Variants in IPO11 observed in about 807,000 individuals in gnomAD.
IPO11 encodes the protein importin-11.
Under a neutral mutation model 143.2 loss-of-function variants are expected in IPO11, and 66 were observed. That is an observed-to-expected ratio of 0.46 (90% confidence interval 0.38 to 0.57). The LOEUF (loss-of-function observed/expected upper bound fraction) is 0.57. Among genes scored for constraint, IPO11 ranks in the 20% least tolerant of loss-of-function variants. The pLI is 0.00. For synonymous variants in IPO11, 385 were observed against 377.8 expected, an observed-to-expected ratio of 1.02 and a Z score of -0.22; for missense variants, 1,026 against 1,141.0, an observed-to-expected ratio of 0.90 and a Z score of 1.45.
intron 2 of IPO11, among the ~76,000 whole-genome samples, chr5:62,439,036 G>A (rs191054276): frequency 8.7e-4 from 128 of 147,836 alleles, no homozygotes; most frequent in African/African-American, 3.1e-3. Context: ...TCCAACCTGG[G>A]CGACAGAGTA....
chr5:62,418,219 G>T (rs763607945), intron 1 of IPO11, among the ~76,000 whole-genome samples: 14 of 151,342 alleles, frequency 9.3e-5, no homozygotes, highest in Non-Finnish European at 1.9e-4. Context: ...AAGCTGGAGT[G>T]CAGTGGCACC....
chr5:62,605,129 G>C (rs1009651726), intron 29 of IPO11, among the ~76,000 whole-genome samples: 4 of 152,090 alleles, frequency 2.6e-5, no homozygotes, highest in African/African-American at 9.7e-5. Flanking sequence ...TTATTTGCTA[G>C]GAAGAAAAAT....
chr5:62,425,346 T>C (rs1039881546), intron 1 of IPO11, among the ~76,000 whole-genome samples: 4 of 152,298 alleles, frequency 2.6e-5, no homozygotes, highest in South Asian at 2.1e-4. Flanking sequence ...AGACGGAGTT[T>C]TGCTGTTGTT....
At chr5:62,464,114 G>A (rs1045971756) in intron 5 of IPO11, among the ~76,000 whole-genome samples, 7 of 148,528 alleles carry the variant, frequency 4.7e-5, no homozygotes, top group African/African-American at 1.2e-4. Context: ...GTGAGCCACC[G>A]CATCTGGTCT....
intron 1 of IPO11, among the ~76,000 whole-genome samples, chr5:62,417,329 T>TTA (rs1297062755): frequency 6.9e-6 from 1 of 145,246 alleles, no homozygotes; most frequent in East Asian, 2.0e-4. Context: ...TAATTTTTTT[T>TTA]TTTTTTTTTT....
rs193139689 is a variant in IPO11, at chr5:62,617,893, C to T, written c.2764-9261C>T. Among the ~76,000 whole-genome samples, 422 of 152,244 alleles carry T rather than the reference C, an allele frequency of 2.8e-3. 2 individuals carry two copies. Among genetic ancestry groups the T allele is most frequent in the Non-Finnish European group, 4.4e-3 (302 of 67,998 alleles). On this transcript the variant is annotated intron_variant, in intron 29 of 29. Transcript: ENST00000325324. Reference sequence around the variant, plus strand: ...TTTTTGTGATAGTAAGTCTTCCCCACAGCCTTCTGTATAAACTGATGCTAA... The same window carrying T: ...TTTTTGTGATAGTAAGTCTTCCCCATAGCCTTCTGTATAAACTGATGCTAA...
intron 19 of IPO11, among the ~76,000 whole-genome samples, chr5:62,506,941 G>A (rs1450857772): frequency 6.6e-6 from 1 of 152,122 alleles, no homozygotes; most frequent in Non-Finnish European, 1.5e-5. Context: ...TCTGTGATTT[G>A]CATTGTATTA....
chr5:62,420,287 G>A (rs1454167102), intron 1 of IPO11, among the ~76,000 whole-genome samples: 1 of 131,930 alleles, frequency 7.6e-6, no homozygotes, highest in East Asian at 2.1e-4. Context: ...GTGAAGCTCC[G>A]TCTCAAAAAA....
chr5:62,515,047 A>G (rs1379517275), intron 19 of IPO11, among the ~76,000 whole-genome samples: 2 of 152,236 alleles, frequency 1.3e-5, no homozygotes, highest in Admixed American at 6.5e-5. Context: ...TTAAAAAATA[A>G]TAGTATAATT....
intron 16 of IPO11, among the ~76,000 whole-genome samples, chr5:62,494,861 C>G (rs1741078680): frequency 6.7e-6 from 1 of 150,282 alleles, no homozygotes; most frequent in Non-Finnish European, 1.5e-5. Context: ...TTTTTTTTCT[C>G]CCCTGAGTTG....
intron 3 of IPO11, among the ~76,000 whole-genome samples, chr5:62,444,441 G>T (rs145676181): frequency 6.6e-6 from 1 of 152,222 alleles, no homozygotes; most frequent in African/African-American, 2.4e-5. Context: ...GAGAAATATG[G>T]TAAGTAGTGA....
intron 1 of IPO11, among the ~76,000 whole-genome samples, chr5:62,426,158 G>A (rs1743733811): frequency 6.6e-6 from 1 of 152,126 alleles, no homozygotes; most frequent in Non-Finnish European, 1.5e-5. Flanking sequence ...AGGCCAAGGC[G>A]GGTGGATCAC....
intron 6 of IPO11, among the ~76,000 whole-genome samples, chr5:62,468,111 C>T (rs1184730826): frequency 6.6e-6 from 1 of 152,060 alleles, no homozygotes; most frequent in Non-Finnish European, 1.5e-5. Context: ...CTGCACCAGG[C>T]TGATTTTTAC....
chr5:62,521,958 T>C (rs374359381), intron 20 of IPO11, among the ~76,000 whole-genome samples: 1 of 152,216 alleles, frequency 6.6e-6, no homozygotes. Context: ...ATTAATGATA[T>C]ATTTTTCCAA....
At chr5:62,555,479 ATTATTTATTTATTTATTTAT>A (rs138722983) in intron 26 of IPO11, among the ~76,000 whole-genome samples, 1 of 137,188 alleles carries the variant, frequency 7.3e-6, no homozygotes, top group Admixed American at 7.3e-5. Flanking sequence ...CACCTGGCTA[ATTATTTATTTATTTATTTAT>A]TTATTTATTT....
At chr5:62,498,206 A>G (rs752287281) in intron 16 of IPO11, among the ~76,000 whole-genome samples, 14 of 152,194 alleles carry the variant, frequency 9.2e-5, no homozygotes, top group Middle Eastern at 3.4e-3. Flanking sequence ...CTTACTGTTA[A>G]TTGACCACCT....
At chr5:62,457,357 G>C (rs1476399042) in intron 5 of IPO11, among the ~76,000 whole-genome samples, 1 of 152,050 alleles carries the variant, frequency 6.6e-6, no homozygotes, top group African/African-American at 2.4e-5. Flanking sequence ...GGTGGTGTAT[G>C]TATGTCATTC....
intron 28 of IPO11, among the ~76,000 whole-genome samples, chr5:62,600,870 A>G (rs1008689929): frequency 7.9e-5 from 12 of 152,220 alleles, no homozygotes; most frequent in African/African-American, 2.9e-4. Flanking sequence ...TAATGGTAGG[A>G]AATAGAAACG....
At chr5:62,446,688 G>A (rs1164241176) in intron 3 of IPO11, among the ~76,000 whole-genome samples, 1 of 152,136 alleles carries the variant, frequency 6.6e-6, no homozygotes, top group African/African-American at 2.4e-5. Context: ...CTTCTCCTAG[G>A]CCAGGTGCAG....
Sources: gnomAD v4.1 joint callset for allele counts (sites outside exome capture counted in the v4.1 genomes callset) on GRCh38, gnomAD v4.1.1 for gene constraint, MANE v1.5 for transcripts, NCBI Gene and HGNC (gene_info 2026-07-23, HGNC 2026-07-21) for gene names.